Variants in OSBPL10 observed in about 807,000 individuals in gnomAD.
The protein encoded by OSBPL10 is oxysterol binding protein like 10, also known as oxysterol-binding protein-related protein 10.
Under a neutral mutation model 81.7 loss-of-function variants are expected in OSBPL10, and 49 were observed. The ratio of observed to expected loss-of-function variants is 0.60; its 90% CI spans 0.48 to 0.76. OSBPL10 has a LOEUF of 0.76. OSBPL10 is among the 30% of genes least tolerant of loss of function. The pLI is 0.00. For missense variants in OSBPL10, 923 were observed against 987.8 expected, an observed-to-expected ratio of 0.93 and a Z score of 0.88; for synonymous variants, 419 against 383.6, an observed-to-expected ratio of 1.09 and a Z score of -1.08.
chr3:31,750,132 A>C (rs919937369), intron 4 of OSBPL10, among the ~76,000 whole-genome samples: 7 of 152,164 alleles, frequency 4.6e-5, no homozygotes, highest in Non-Finnish European at 7.3e-5. Context: ...CAGTAAGCTG[A>C]GATCGCGCCA....
chr3:31,843,786 G>C (rs968927069), intron 3 of OSBPL10, among the ~76,000 whole-genome samples: 1 of 152,158 alleles, frequency 6.6e-6, no homozygotes, highest in Non-Finnish European at 1.5e-5. Flanking sequence ...ACTGCAAATA[G>C]AGCATATCTA....
At chr3:31,919,986 G>GC (rs893889137) in intron 1 of OSBPL10, among the ~76,000 whole-genome samples, 1 of 152,166 alleles carries the variant, frequency 6.6e-6, no homozygotes, top group Non-Finnish European at 1.5e-5. Context: ...AACTTTCTGT[G>GC]CCCTCCAGAG....
intron 1 of OSBPL10, among the ~76,000 whole-genome samples, chr3:31,929,496 C>G (rs549856514): frequency 6.6e-6 from 1 of 152,026 alleles, no homozygotes; most frequent in Non-Finnish European, 1.5e-5. Flanking sequence ...GCCTGTAATA[C>G]CAGCACTTTG....
intron 1 of OSBPL10, among the ~76,000 whole-genome samples, chr3:31,919,910 C>T (rs1429164925): frequency 6.6e-6 from 1 of 152,158 alleles, no homozygotes; most frequent in Non-Finnish European, 1.5e-5. Context: ...GAAACATGGA[C>T]GTGTTGTTAA....
intron 2 of OSBPL10, among the ~76,000 whole-genome samples, chr3:32,028,773 T>C (rs79231167): frequency 0.023 from 3,550 of 152,200 alleles, 75 homozygotes; most frequent in East Asian, 0.098. Flanking sequence ...CTAAGAAATC[T>C]GCCCCTTTTG....
exon 2 of OSBPL10, chr3:32,046,563 C>T (rs917368933): frequency 1.3e-5 from 2 of 152,192 alleles, no homozygotes; most frequent in Non-Finnish European, 2.9e-5. Context: ...AATGTTTCTG[C>T]TGCAGCAGCC....
intron 8 of OSBPL10, among the ~76,000 whole-genome samples, chr3:31,673,414 G>T (rs954023537): frequency 2.2e-4 from 34 of 152,208 alleles, no homozygotes; most frequent in Non-Finnish European, 4.7e-4. Flanking sequence ...AACAGCCAGG[G>T]AAAGTGGAAG....
chr3:31,702,223 G>T, intron 7 of OSBPL10, 136 bp downstream of exon 7: 1 of 1,052,826 alleles, frequency 9.5e-7, no homozygotes. Flanking sequence ...ATCCATACTT[G>T]AAAGCAATGC....
chr3:31,711,736 G>C (rs1209181684), intron 6 of OSBPL10, among the ~76,000 whole-genome samples: 4 of 152,128 alleles, frequency 2.6e-5, no homozygotes, highest in Non-Finnish European at 5.9e-5. Flanking sequence ...TCCAGGGCTT[G>C]TTTTTGAGGT....
At chr3:31,940,027 A>G (rs1388962593) in intron 1 of OSBPL10, among the ~76,000 whole-genome samples, 1 of 152,184 alleles carries the variant, frequency 6.6e-6, no homozygotes, top group East Asian at 1.9e-4. Context: ...AGCCCACTCC[A>G]TATATTCTTT....
chr3:31,970,329 A>G (rs1211170542), intron 1 of OSBPL10, among the ~76,000 whole-genome samples: 1 of 152,182 alleles, frequency 6.6e-6, no homozygotes, highest in Non-Finnish European at 1.5e-5. Context: ...TTCTGTCTCC[A>G]TGGCCTTCAT....
intron 4 of OSBPL10, among the ~76,000 whole-genome samples, chr3:31,825,215 T>C (rs972994026): frequency 2.6e-5 from 4 of 152,080 alleles, no homozygotes; most frequent in African/African-American, 4.8e-5. Flanking sequence ...TTTCTGGAGA[T>C]AGAGCAAGGC....
chr3:31,961,782 C>T (rs766878746), intron 1 of OSBPL10, among the ~76,000 whole-genome samples: 6 of 151,958 alleles, frequency 3.9e-5, no homozygotes, highest in Non-Finnish European at 7.4e-5. Flanking sequence ...ATAATCTTTA[C>T]AGAAATTAAT....
intron 7 of OSBPL10, among the ~76,000 whole-genome samples, chr3:31,697,151 C>T (rs1404636769): frequency 1.3e-5 from 2 of 152,198 alleles, no homozygotes; most frequent in African/African-American, 4.8e-5. Flanking sequence ...GGAAGGCTTA[C>T]CGGCTTCCAC....
intron 1 of OSBPL10, among the ~76,000 whole-genome samples, chr3:31,913,643 G>T (rs981812911): frequency 3.9e-5 from 6 of 152,192 alleles, no homozygotes; most frequent in Non-Finnish European, 7.3e-5. Flanking sequence ...TTAGACTACT[G>T]TAGACCACAG....
At chr3:31,719,916 A>G (rs1005688234) in intron 6 of OSBPL10, among the ~76,000 whole-genome samples, 9 of 151,948 alleles carry the variant, frequency 5.9e-5, no homozygotes, top group African/African-American at 2.2e-4. Context: ...GTAGCTGTTC[A>G]AAAGAATGCA....
intron 1 of OSBPL10, among the ~76,000 whole-genome samples, chr3:31,902,168 G>A (rs963013544): frequency 1.6e-4 from 25 of 152,038 alleles, no homozygotes; most frequent in African/African-American, 5.8e-4. Context: ...TCACAGAGCT[G>A]TGCTAAGGTT....
At chr3:31,735,804 C>T (rs1349613337) in intron 5 of OSBPL10, among the ~76,000 whole-genome samples, 1 of 152,092 alleles carries the variant, frequency 6.6e-6, no homozygotes, top group Non-Finnish European at 1.5e-5. Context: ...TGTCATATTG[C>T]CATTTGCTGT....
intron 4 of OSBPL10, among the ~76,000 whole-genome samples, chr3:31,768,995 A>C (rs1274613599): frequency 1.3e-5 from 2 of 152,164 alleles, no homozygotes; most frequent in Non-Finnish European, 2.9e-5. Context: ...CAGACACTGC[A>C]CTTTCCTGAG....
Sources: gnomAD v4.1 joint callset for allele counts (sites outside exome capture counted in the v4.1 genomes callset) on GRCh38, gnomAD v4.1.1 for gene constraint, MANE v1.5 for transcripts, NCBI Gene and HGNC (gene_info 2026-07-23, HGNC 2026-07-21) for gene names.